Variants in CCDC33 observed in about 807,000 individuals in gnomAD.
The protein encoded by CCDC33 is coiled-coil domain-containing protein 33.
A neutral mutation model predicts 91.9 loss-of-function variants in CCDC33; 94 were observed. The observed-to-expected ratio is 1.02, with a 90% CI of 0.87 to 1.21. The LOEUF is 1.21. CCDC33 is among the 50% of genes most tolerant of loss of function. CCDC33 has a pLI of 0.00. For synonymous variants in CCDC33, 396 were observed against 374.5 expected, an observed-to-expected ratio of 1.06 and a Z score of -0.66; for missense variants, 940 against 935.5, an observed-to-expected ratio of 1.00 and a Z score of -0.06.
At chr15:74,308,358 G>GACACACACACACACAC (rs3057604) in intron 11 of CCDC33, among the ~76,000 whole-genome samples, 2 of 145,902 alleles carry the variant, frequency 1.4e-5, no homozygotes, top group Admixed American at 6.8e-5. Flanking sequence ...CAGACAGACA[G>GACACACACACACACAC]ACACACACAC....
At chr15:74,312,575 G>A (rs966301453) in intron 11 of CCDC33, among the ~76,000 whole-genome samples, 3 of 152,218 alleles carry the variant, frequency 2.0e-5, no homozygotes, top group Non-Finnish European at 4.4e-5. Flanking sequence ...CCTGTTCACA[G>A]CGCCTATGTA....
intron 2 of CCDC33, among the ~76,000 whole-genome samples, chr15:74,260,867 T>C (rs539302189): frequency 6.6e-6 from 1 of 152,238 alleles, no homozygotes; most frequent in Non-Finnish European, 1.5e-5. Context: ...CATATTTATA[T>C]TTTAATAATT....
intron 2 of CCDC33, among the ~76,000 whole-genome samples, chr15:74,258,954 C>CAA (rs772473607): frequency 6.6e-6 from 1 of 152,122 alleles, no homozygotes; most frequent in Admixed American, 6.5e-5. Context: ...TGGAGTTTGT[C>CAA]AAAGACACAC....
chr15:74,240,671 C>T (rs912039116), intron 1 of CCDC33, among the ~76,000 whole-genome samples: 1 of 152,156 alleles, frequency 6.6e-6, no homozygotes, highest in African/African-American at 2.4e-5. Flanking sequence ...TGGCTCACTG[C>T]AACCTCCGCC....
At position 74,218,599 on chromosome 15, in the gene CCDC33, T is replaced by A; in HGVS notation, c.413T>A (p.Ile138Asn). 1 of 1,289,822 alleles carries A rather than the reference T, an allele frequency of 7.8e-7. No individual in the cohort carries two copies. The highest frequency in any genetic ancestry group is 1.2e-5 in the South Asian group (1 of 81,028). 79.9% of individuals were successfully genotyped at this position (1,289,822 alleles called of 1,614,324 possible). A position where few individuals can be genotyped will look rare whatever the true frequency, so the allele number is the denominator to read the frequency against. ...GCAGCCCAGCGGGTGGGTGAGGCCATCTTCCCCATCTACCCGAGGCCAGAC... is the reference window on the plus strand; with the variant it reads ...GCAGCCCAGCGGGTGGGTGAGGCCAACTTCCCCATCTACCCGAGGCCAGAC... Residue 138 changes from isoleucine (I) to asparagine (N), a missense_variant, in exon 2 of 3, where the codon ATC becomes AAC. Ile to Asn is a moderately radical substitution (Grantham distance 149). Coordinates refer to the CCDC33 transcript ENST00000635913. This position sits in a 1 kb window ranked among gnomAD's most constrained non-coding sequence, Gnocchi z 4.8.
intron 1 of CCDC33, among the ~76,000 whole-genome samples, chr15:74,207,045 G>A (rs1335822813): frequency 5.3e-5 from 8 of 152,230 alleles, no homozygotes; most frequent in Non-Finnish European, 8.8e-5. Flanking sequence ...TATGCCCCTC[G>A]GGTTGGAGCT....
chr15:74,235,069 C>G (rs2075105466), upstream of CCDC33, among the ~76,000 whole-genome samples: 1 of 152,218 alleles, frequency 6.6e-6, no homozygotes, highest in Admixed American at 6.5e-5. Flanking sequence ...CACACATACA[C>G]ACTGTGCTGG....
chr15:74,326,044 G>A (rs528296481), intron 11 of CCDC33, among the ~76,000 whole-genome samples: 6 of 152,202 alleles, frequency 3.9e-5, no homozygotes, highest in Admixed American at 6.5e-5. Flanking sequence ...AAAGTGCGAC[G>A]GCAGGCAGAA....
At chr15:74,238,043 G>A (rs149782520) in intron 1 of CCDC33, among the ~76,000 whole-genome samples, 1,872 of 152,194 alleles carry the variant, frequency 0.012, 41 homozygotes, top group African/African-American at 0.043. Flanking sequence ...CAGGAGAATC[G>A]CTTGAACCTG....
chr15:74,331,354 C>A, intron 15 of CCDC33, 58 bp downstream of exon 15: 1 of 1,555,968 alleles, frequency 6.4e-7, no homozygotes, highest in Non-Finnish European at 8.8e-7. Flanking sequence ...CCTGGAGGCC[C>A]TGCCTTCCTG....
In CCDC33 at chr15:74,270,542, G is replaced by A. The variant is rs2076285807; in HGVS notation, c.547-1161G>A. 2.6e-5 allele frequency among the ~76,000 whole-genome samples: 4 copies of A among 152,168 alleles called. No individual in the cohort carries two copies. In the South Asian group the frequency reaches 8.3e-4, roughly 32 times the overall value. On this transcript the variant is annotated intron_variant, in intron 5 of 18. Coordinates refer to ENST00000398814, the MANE Select transcript of CCDC33 (RefSeq NM_025055.5). ...ATGTGTCAAATTGCCTGGGAAAGAG[G>A]ATGGATTAGGGAAAGGAACAGAAGT...
chr15:74,304,042 C>T (rs2059845394), intron 11 of CCDC33: 1 of 152,260 alleles, frequency 6.6e-6, no homozygotes, highest in African/African-American at 2.4e-5. Flanking sequence ...TCTGTTACTT[C>T]CCTCTGCAGA....
intron 11 of CCDC33, among the ~76,000 whole-genome samples, chr15:74,315,925 A>T (rs551056762): frequency 6.6e-6 from 1 of 152,068 alleles, no homozygotes; most frequent in African/African-American, 2.4e-5. Flanking sequence ...TAAAGCCCCA[A>T]TGCCACCAGG....
At chr15:74,228,139 C>G (rs1488129571) in intron 2 of CCDC33, among the ~76,000 whole-genome samples, 1 of 152,176 alleles carries the variant, frequency 6.6e-6, no homozygotes, top group African/African-American at 2.4e-5. Flanking sequence ...AGGGAGAGCA[C>G]TGCAGTCCCT....
Position 74,335,926 on chromosome 15 carries a change from G to A in CCDC33, c.2141G>A (p.Ser714Asn), listed in dbSNP as rs1446221031. 1 of 1,613,440 alleles carries A rather than the reference G, an allele frequency of 6.2e-7. No homozygotes were observed. The highest frequency in any genetic ancestry group is 8.5e-7 in the Non-Finnish European group (1 of 1,179,718). The stretch of plus-strand genomic sequence containing the variant: ...CGCACCCCGCTTTGCACACCACAGA[G>A]TGCCCTCACCCACTCCATGGACCTC... Reference protein sequence around the residue: ...PSNSIIIEQPSALTHSMDLKQ... With the variant: ...PSNSIIIEQPNALTHSMDLKQ... The change falls in exon 19 of 19, where the codon AGT becomes AAT. Residue 714 changes from serine (S) to asparagine (N), a missense_variant and splice_region_variant. Coordinates refer to ENST00000398814, the MANE Select transcript of CCDC33 (RefSeq NM_025055.5).
intron 7 of CCDC33, among the ~76,000 whole-genome samples, chr15:74,277,874 A>G (rs950328577): frequency 7.9e-5 from 12 of 152,182 alleles, no homozygotes; most frequent in Non-Finnish European, 2.9e-5. Flanking sequence ...AGCGTCTACT[A>G]AATAACCCTC....
chr15:74,273,221 G>A (rs542665948), intron 7 of CCDC33, among the ~76,000 whole-genome samples: 7 of 152,360 alleles, frequency 4.6e-5, no homozygotes, highest in African/African-American at 1.2e-4. Flanking sequence ...CACTTATATG[G>A]GATACCTAGA....
chr15:74,336,328 A>C, downstream of CCDC33: 3 of 1,374,488 alleles, frequency 2.2e-6, no homozygotes, highest in East Asian at 3.9e-5. Context: ...AGGCCTTCCA[A>C]AGCAGGGGCC....
intron 17 of CCDC33, 128 bp from the exon 18 acceptor site, chr15:74,334,847 T>C: frequency 2.5e-6 from 2 of 785,088 alleles, no homozygotes; most frequent in Non-Finnish European, 4.3e-6. Context: ...CTCGGGAAGG[T>C]GTCAAGCCCA....
Sources: gnomAD v4.1 joint callset for allele counts (sites outside exome capture counted in the v4.1 genomes callset) on GRCh38, gnomAD v4.1.1 for gene constraint, Gnocchi (gnomAD v3.1) non-coding constraint, MANE v1.5 for transcripts, NCBI Gene and HGNC (gene_info 2026-07-23, HGNC 2026-07-21) for gene names.